SRP54: variants seen among roughly 807,000 people sequenced by gnomAD.
SRP54 encodes signal recognition particle subunit SRP54.
A neutral mutation model predicts 64.8 loss-of-function variants in SRP54; 10 were observed. The observed-to-expected ratio is 0.15, with a 90% CI of 0.10 to 0.26. The LOEUF is 0.26. Among genes scored for constraint, SRP54 ranks in the 10% least tolerant of loss-of-function variants. The probability of loss-of-function intolerance (pLI) is 1.00; values close to 1 mark genes in which losing one functional copy is unlikely to be tolerated. For synonymous variants in SRP54, 193 were observed against 185.6 expected, an observed-to-expected ratio of 1.04 and a Z score of -0.32; for missense variants, 325 against 613.7, an observed-to-expected ratio of 0.53 and a Z score of 4.97.
intron 8 of SRP54, among the ~76,000 whole-genome samples, chr14:35,011,913 A>G (rs1408505603): frequency 2.0e-5 from 3 of 152,172 alleles, no homozygotes; most frequent in African/African-American, 7.2e-5. Context: ...TATGCATAAG[A>G]AAACATTTAA....
At chr14:35,013,170 G>A (rs961825870) in intron 8 of SRP54, among the ~76,000 whole-genome samples, 176 bp from the exon 9 acceptor site, 3 of 152,028 alleles carry the variant, frequency 2.0e-5, no homozygotes, top group Non-Finnish European at 4.4e-5. Context: ...TGTTGGCCAG[G>A]CTGGTCTTGA....
At chr14:35,014,290 T>TTTTTTTTTTTTTTTGTTTTTTTG (rs376712278) in intron 10 of SRP54, among the ~76,000 whole-genome samples, 1 of 127,282 alleles carries the variant, frequency 7.9e-6, no homozygotes, top group African/African-American at 2.9e-5. Flanking sequence ...TTTTTTTTTT[T>TTTTTTTTTTTTTTTGTTTTTTTG]TTTTGAGACG....
chr14:35,014,741 T>C lies in SRP54; in HGVS notation c.887-3T>C, dbSNP rs762871779. On this transcript the variant is annotated splice_region_variant and splice_polypyrimidine_tract_variant and intron_variant, in intron 10 of 15. Transcript: ENST00000216774. ...GTTAATTTTTCTTTTTTGTATCTTATAGGTATGGGCGACATTGAAGGACTG... is the reference window on the plus strand; with the variant it reads ...GTTAATTTTTCTTTTTTGTATCTTACAGGTATGGGCGACATTGAAGGACTG... 2.0e-5 allele frequency: 33 copies of C among 1,611,576 alleles called. No homozygotes were observed. The Middle Eastern group carries it at 4.9e-4, about 24-fold the overall frequency.
intron 13 of SRP54, among the ~76,000 whole-genome samples, chr14:35,021,952 A>T (rs1393438545): frequency 6.6e-6 from 1 of 152,190 alleles, no homozygotes; most frequent in Admixed American, 6.5e-5. Context: ...AATGCACCTG[A>T]TATTCTAAGA....
intron 14 of SRP54, among the ~76,000 whole-genome samples, chr14:35,023,340 A>G (rs1217373676): frequency 6.6e-6 from 1 of 151,976 alleles, no homozygotes; most frequent in Non-Finnish European, 1.5e-5. Flanking sequence ...AACACATTAT[A>G]TTAAATTTAG....
At chr14:34,984,632 G>C (rs1294192868) in intron 1 of SRP54, among the ~76,000 whole-genome samples, 1 of 152,170 alleles carries the variant, frequency 6.6e-6, no homozygotes, top group African/African-American at 2.4e-5. Context: ...CTTCCGAGTA[G>C]CTGGGATTAC....
chr14:34,999,007 G>T (rs1481193441), intron 2 of SRP54, among the ~76,000 whole-genome samples: 12,279 of 74,598 alleles, frequency 0.16, 1,538 homozygotes, highest in East Asian at 0.4. Context: ...GTGTGTGTGT[G>T]TGTGTGGTTT....
Position 35,014,612 on chromosome 14 carries a change from C to T in SRP54, c.887-132C>T, listed in dbSNP as rs1209258768. The T allele has an allele frequency of 7.4e-6, 5 of 671,878 alleles. No homozygotes were observed. In the African/African-American group the frequency reaches 7.5e-5, roughly 10 times the overall value. The allele number at this position is 671,878 out of a possible 1,614,324, so 41.6% of individuals were successfully genotyped here. A position where few individuals can be genotyped will look rare whatever the true frequency, so the allele number is the denominator to read the frequency against. On this transcript the variant is annotated intron_variant, in intron 10 of 15. Coordinates refer to ENST00000216774, the MANE Select transcript of SRP54 (RefSeq NM_003136.4). ...TTAACTTTCTTAGCTTTGGTTTTCTCATTTGTGTAGTGTAGTAAGAATACC... is the reference window on the plus strand; with the variant it reads ...TTAACTTTCTTAGCTTTGGTTTTCTTATTTGTGTAGTGTAGTAAGAATACC...
Position 35,018,995 on chromosome 14 carries a change from T to TA in SRP54, c.1078dup (p.Met360AsnfsTer6). 6.2e-7 allele frequency: 1 copy of TA among 1,613,900 alleles called. No homozygotes were observed. The highest frequency in any genetic ancestry group is 8.5e-7 in the Non-Finnish European group (1 of 1,179,894). On this transcript the variant is annotated frameshift_variant, in exon 13 of 16. Coordinates refer to ENST00000216774, the MANE Select transcript of SRP54 (RefSeq NM_003136.4). LOFTEE classifies it high-confidence loss of function. ...TGATCCCTGGTTTTGGGACAGATTTTATGAGCAAAGGAAATGAACAGGAGT... is the reference window on the plus strand; with the variant it reads ...TGATCCCTGGTTTTGGGACAGATTTTAATGAGCAAAGGAAATGAACAGGAGT...
chr14:35,022,602 G>C (rs1473889999), intron 13 of SRP54, among the ~76,000 whole-genome samples: 1 of 152,086 alleles, frequency 6.6e-6, no homozygotes, highest in Non-Finnish European at 1.5e-5. Flanking sequence ...TGAGCTGCCT[G>C]CCTCGGCCTC....
chr14:35,011,157 G>C (rs768861027), intron 7 of SRP54, among the ~76,000 whole-genome samples: 1 of 151,952 alleles, frequency 6.6e-6, no homozygotes, highest in Non-Finnish European at 1.5e-5. Flanking sequence ...AATATCTACT[G>C]GTTTTATAAA....
intron 13 of SRP54, among the ~76,000 whole-genome samples, chr14:35,022,647 G>A (rs1242189849): frequency 6.6e-6 from 1 of 152,074 alleles, no homozygotes; most frequent in African/African-American, 2.4e-5. Context: ...GAGCCACCAC[G>A]CCTGGCCTCC....
intron 1 of SRP54, among the ~76,000 whole-genome samples, chr14:34,984,200 C>A (rs1402538658): frequency 1.3e-5 from 2 of 152,196 alleles, no homozygotes; most frequent in Non-Finnish European, 2.9e-5. Context: ...TTCCAGATTA[C>A]TCCTCTGTCC....
At chr14:35,009,351 C>A (rs2044318173) in intron 7 of SRP54, among the ~76,000 whole-genome samples, 1 of 150,976 alleles carries the variant, frequency 6.6e-6, no homozygotes, top group Non-Finnish European at 1.5e-5. Flanking sequence ...CAGCCACACA[C>A]ATGTTCTTAT....
At chr14:35,004,891 T>C (rs1437028965) in intron 4 of SRP54, among the ~76,000 whole-genome samples, 1 of 152,246 alleles carries the variant, frequency 6.6e-6, no homozygotes, top group Non-Finnish European at 1.5e-5. Flanking sequence ...TCCTCTCTTC[T>C]CTACCTCATG....
At chr14:35,020,674 T>C (rs1323070453) in intron 13 of SRP54, among the ~76,000 whole-genome samples, 2 of 152,212 alleles carry the variant, frequency 1.3e-5, no homozygotes, top group African/African-American at 4.8e-5. Flanking sequence ...TTGTTTTTTT[T>C]CCTCACTGTC....
At position 35,013,603 on chromosome 14, in the gene SRP54, A is replaced by G. The variant is rs563992521; in HGVS notation, c.785+109A>G. ...AAAATATGTTTCAATAGTGAGCCTA[A>G]TATGGTTTATAAAGAAAGTTTAAAT... On this transcript the variant is annotated intron_variant, in intron 9 of 15. Coordinates refer to ENST00000216774, the MANE Select transcript of SRP54 (RefSeq NM_003136.4). 438 of 1,300,016 alleles carry G rather than the reference A, an allele frequency of 3.4e-4. 3 individuals carry two copies. In the Admixed American group the frequency reaches 9.8e-3, roughly 29 times the overall value. The allele number at this position is 1,300,016 out of a possible 1,614,324, so 80.5% of individuals were successfully genotyped here. A position where few individuals can be genotyped will look rare whatever the true frequency, so the allele number is the denominator to read the frequency against.
At chr14:34,997,093 T>C (rs1256744495) in intron 2 of SRP54, among the ~76,000 whole-genome samples, 1 of 152,178 alleles carries the variant, frequency 6.6e-6, no homozygotes, top group Non-Finnish European at 1.5e-5. Context: ...GTACTTTTGT[T>C]TTCTTTATTG....
intron 4 of SRP54, among the ~76,000 whole-genome samples, chr14:35,003,109 A>G (rs1041897898): frequency 6.6e-6 from 1 of 152,162 alleles, no homozygotes; most frequent in African/African-American, 2.4e-5. Flanking sequence ...TGCTTTATTA[A>G]GAAGCATTTA....
Sources: allele counts gnomAD v4.1 joint callset (sites outside exome capture counted in the v4.1 genomes callset), GRCh38; gene constraint gnomAD v4.1.1; transcripts MANE v1.5; gene names NCBI Gene and HGNC (gene_info 2026-07-23, HGNC 2026-07-21).